SPATA7: variants seen among roughly 807,000 people sequenced by gnomAD.
SPATA7 encodes spermatogenesis-associated protein 7.
A neutral mutation model predicts 51.8 loss-of-function variants in SPATA7; 43 were observed. That is an observed-to-expected ratio of 0.83 (90% CI 0.65 to 1.07). The LOEUF is 1.07. Among genes scored for constraint, SPATA7 ranks in the 50% least tolerant of loss-of-function variants. The pLI, the probability that SPATA7 is intolerant of heterozygous loss-of-function variation, is 0.00. For missense variants in SPATA7, 683 were observed against 701.3 expected, an observed-to-expected ratio of 0.97 and a Z score of 0.30; for synonymous variants, 230 against 252.8, an observed-to-expected ratio of 0.91 and a Z score of 0.86.
chr14:88,411,854 G>C (rs894303815), intron 4 of SPATA7, among the ~76,000 whole-genome samples: 11 of 152,106 alleles, frequency 7.2e-5, no homozygotes, highest in African/African-American at 2.7e-4. Flanking sequence ...ATTTTTTGGG[G>C]GGGGTTTATA....
chr14:88,463,481 C>T (rs576689713), intron 4 of SPATA7, among the ~76,000 whole-genome samples: 30 of 152,258 alleles, frequency 2.0e-4, no homozygotes, highest in African/African-American at 6.5e-4. Context: ...TCTGATCTCA[C>T]CAGCAGGGTG....
intron 10 of SPATA7, 76 bp from the exon 11 acceptor site, chr14:88,437,467 C>G (rs2077118818): frequency 2.0e-6 from 2 of 998,618 alleles, no homozygotes; most frequent in Non-Finnish European, 3.2e-6. Context: ...TTTGTAGTTT[C>G]AGTGTTACGT....
At chr14:88,424,188 G>C (rs1257869837) in intron 5 of SPATA7, among the ~76,000 whole-genome samples, 5 of 152,072 alleles carry the variant, frequency 3.3e-5, no homozygotes, top group Non-Finnish European at 1.5e-5. Context: ...CATGTTTTGG[G>C]ATTCTACCAG....
At chr14:88,388,926 C>T (rs1247383329) in intron 1 of SPATA7, among the ~76,000 whole-genome samples, 1 of 152,170 alleles carries the variant, frequency 6.6e-6, no homozygotes, top group East Asian at 1.9e-4. Flanking sequence ...GGAGGCTTCA[C>T]ATTCCATGGG....
Position 88,469,458 on chromosome 14 carries a change from C to G in SPATA7, c.255-389C>G. 1.3e-6 allele frequency: 2 copies of G among 1,501,116 alleles called. No homozygotes were observed. The highest frequency in any genetic ancestry group is 2.3e-5 in the South Asian group (2 of 88,588). The allele number at this position is 1,501,116 out of a possible 1,614,324, so 93.0% of individuals were successfully genotyped here. A position where few individuals can be genotyped will look rare whatever the true frequency, so the allele number is the denominator to read the frequency against. ...AAATGTTCCTCTCTGTTTAACACCT[C>G]CAGAGGCAGCTGTCCTCGGAACAAA... On this transcript the variant is annotated intron_variant, in intron 4 of 4. Coordinates refer to the SPATA7 transcript ENST00000556406. The surrounding 1 kb of genome is among the most constrained non-coding windows in gnomAD (Gnocchi z 4.3).
At chr14:88,409,740 TC>T (rs1301943273) in intron 4 of SPATA7, among the ~76,000 whole-genome samples, 5 of 152,226 alleles carry the variant, frequency 3.3e-5, no homozygotes, top group African/African-American at 9.6e-5. Flanking sequence ...GCTGTAAATA[TC>T]CCTCTAAACA....
At chr14:88,386,082 T>C in intron 1 of SPATA7, 1 of 1,391,474 alleles carries the variant, frequency 7.2e-7, no homozygotes, top group Non-Finnish European at 9.4e-7. Context: ...GGCCCCTGTC[T>C]CCTGAACTCA....
intron 3 of SPATA7, among the ~76,000 whole-genome samples, chr14:88,452,463 C>T (rs2077257059): frequency 6.6e-6 from 1 of 152,216 alleles, no homozygotes. Flanking sequence ...GGGAAAATCA[C>T]ACTGTGGGCG....
At chr14:88,433,554 C>T (rs1275014519) in intron 10 of SPATA7, among the ~76,000 whole-genome samples, 2 of 152,166 alleles carry the variant, frequency 1.3e-5, no homozygotes, top group African/African-American at 4.8e-5. Flanking sequence ...TCATGAGAAT[C>T]AAAAGCAAGC....
chr14:88,469,395 TTA>T lies in SPATA7; in HGVS notation c.255-448_255-447del, dbSNP rs1444362333. The T allele has an allele frequency of 9.6e-7, 1 of 1,039,522 alleles. No homozygotes were observed. Among genetic ancestry groups the T allele is most frequent in the African/African-American group, 1.6e-5 (1 of 63,096 alleles). 64.4% of individuals were successfully genotyped at this position (1,039,522 alleles called of 1,614,324 possible). A position where few individuals can be genotyped will look rare whatever the true frequency, so the allele number is the denominator to read the frequency against. On this transcript the variant is annotated intron_variant, in intron 4 of 4. Transcript: ENST00000556406. The surrounding 1 kb of genome is among the most constrained non-coding windows in gnomAD (Gnocchi z 4.3). ...CTTTATGTTAAAACAAGTCCGAAGC[TTA>T]TATGAGATAACATAAAGGAAATATT...
At chr14:88,401,539 G>C (rs2076056682) in intron 4 of SPATA7, among the ~76,000 whole-genome samples, 1 of 152,074 alleles carries the variant, frequency 6.6e-6, no homozygotes, top group Non-Finnish European at 1.5e-5. Flanking sequence ...ATACGAATTA[G>C]AAAGAAAGCA....
intron 9 of SPATA7, among the ~76,000 whole-genome samples, chr14:88,431,983 A>T (rs576728797): frequency 3.4e-4 from 52 of 152,326 alleles, no homozygotes; most frequent in African/African-American, 1.2e-3. Flanking sequence ...TGGAATAATT[A>T]TCAATCACGT....
At chr14:88,434,421 T>G (rs534416197) in intron 10 of SPATA7, among the ~76,000 whole-genome samples, 91 of 152,272 alleles carry the variant, frequency 6.0e-4, no homozygotes, top group Non-Finnish European at 8.5e-4. Context: ...GCGCAGTGGC[T>G]CACACCAGTA....
At chr14:88,438,929 C>T (rs573416183), downstream of SPATA7, among the ~76,000 whole-genome samples, 7 of 152,246 alleles carry the variant, frequency 4.6e-5, no homozygotes, top group South Asian at 2.1e-4. Flanking sequence ...TCACCTTTAC[C>T]GTGTTCTTTT....
intron 4 of SPATA7, among the ~76,000 whole-genome samples, chr14:88,404,849 C>T (rs2076163157): frequency 6.6e-6 from 1 of 152,142 alleles, no homozygotes; most frequent in African/African-American, 2.4e-5. Context: ...TATTGGGCCC[C>T]TGCTATGTGC....
At chr14:88,442,940 ATTTTT>A (rs201523703), downstream of SPATA7, among the ~76,000 whole-genome samples, 1 of 124,272 alleles carries the variant, frequency 8.0e-6, no homozygotes, top group African/African-American at 3.0e-5. Flanking sequence ...TTTGTTAGTA[ATTTTT>A]TTTTTTTTTT....
chr14:88,455,891 A>C (rs2077281041), downstream of SPATA7, among the ~76,000 whole-genome samples: 4 of 96,522 alleles, frequency 4.1e-5, no homozygotes, highest in South Asian at 4.1e-4. Flanking sequence ...CCACCCCACA[A>C]CAGGCCCTGG....
At chr14:88,398,458 A>C (rs553484339) in intron 4 of SPATA7, among the ~76,000 whole-genome samples, 3 of 125,242 alleles carry the variant, frequency 2.4e-5, no homozygotes, top group African/African-American at 9.2e-5. Flanking sequence ...GAAGGGGAAC[A>C]TCACACTCTG....
At chr14:88,396,297 C>A (rs1009905199) in intron 4 of SPATA7, 94 bp downstream of exon 4, 19 of 849,074 alleles carry the variant, frequency 2.2e-5, no homozygotes, top group Non-Finnish European at 3.7e-5. Flanking sequence ...TTTTAAGTGT[C>A]CAGTTCAATA....
Sources: gnomAD v4.1 joint callset for allele counts (sites outside exome capture counted in the v4.1 genomes callset) on GRCh38, gnomAD v4.1.1 for gene constraint, Gnocchi (gnomAD v3.1) non-coding constraint, MANE v1.5 for transcripts, NCBI Gene and HGNC (gene_info 2026-07-23, HGNC 2026-07-21) for gene names.